The following CDH4 variants were observed in gnomAD, a reference collection of about 807,000 sequenced individuals.
The protein encoded by CDH4 is cadherin-4.
In CDH4, 33 loss-of-function variants were observed where a neutral mutation model predicts 86.0. That is an observed-to-expected ratio of 0.38 (90% confidence interval 0.29 to 0.51). The LOEUF (loss-of-function observed/expected upper bound fraction) is 0.51, where lower values mean the gene tolerates loss of function less well. Ranked by LOEUF, CDH4 falls within the 20% of genes least tolerant of loss-of-function variation. CDH4 has a pLI of 0.86. For synonymous variants in CDH4, 555 were observed against 549.4 expected, an observed-to-expected ratio of 1.01 and a Z score of -0.14; for missense variants, 1,114 against 1,307.4, an observed-to-expected ratio of 0.85 and a Z score of 2.28.
chr20:61,803,678 G>C (rs775317369), intron 4 of CDH4, among the ~76,000 whole-genome samples: 14 of 152,252 alleles, frequency 9.2e-5, no homozygotes, highest in Non-Finnish European at 1.9e-4. Flanking sequence ...GGCGCCCAGA[G>C]CTCTGCGTTC....
intron 11 of CDH4, 87 bp from the exon 12 acceptor site, chr20:61,928,103 T>G (rs1293639473): frequency 2.4e-5 from 24 of 1,012,378 alleles, no homozygotes; most frequent in Non-Finnish European, 3.1e-5. Context: ...TGCACGTGGT[T>G]GTTTGTGTGC....
chr20:61,591,415 C>A (rs895095204), intron 2 of CDH4, among the ~76,000 whole-genome samples: 1 of 151,994 alleles, frequency 6.6e-6, no homozygotes, highest in Admixed American at 6.5e-5. Context: ...AAATCTCTTC[C>A]GTGTCTGGTG....
At chr20:61,446,125 G>A (rs993351828) in intron 2 of CDH4, among the ~76,000 whole-genome samples, 1 of 152,190 alleles carries the variant, frequency 6.6e-6, no homozygotes, top group African/African-American at 2.4e-5. Flanking sequence ...GTCATACTTG[G>A]GAAGGGTGTG....
At position 61,902,496 on chromosome 20, in the gene CDH4, G is replaced by A. The variant is rs961764239; in HGVS notation, c.1188+7449G>A. Among the ~76,000 whole-genome samples, 1 of 152,240 alleles carries A rather than the reference G, an allele frequency of 6.6e-6. No homozygotes were observed. The highest frequency in any genetic ancestry group is 1.5e-5 in the Non-Finnish European group (1 of 68,050). ...GCCCCACCTTCCCAGGGATTTGCAGGCAAATGAGCGGCCGTTGACACAGGG... is the reference window on the plus strand; with the variant it reads ...GCCCCACCTTCCCAGGGATTTGCAGACAAATGAGCGGCCGTTGACACAGGG... On this transcript the variant is annotated intron_variant, in intron 8 of 15. Transcript: ENST00000614565. The surrounding 1 kb of genome is among the most constrained non-coding windows in gnomAD (Gnocchi z 4.6).
intron 2 of CDH4, among the ~76,000 whole-genome samples, chr20:61,335,203 A>G (rs528996086): frequency 9.2e-5 from 14 of 152,354 alleles, no homozygotes; most frequent in Non-Finnish European, 1.3e-4. Flanking sequence ...TCTGGGATGA[A>G]TGTGCAGGGG....
At chr20:61,656,420 G>A (rs981671306) in intron 2 of CDH4, among the ~76,000 whole-genome samples, 22 of 151,926 alleles carry the variant, frequency 1.4e-4, no homozygotes, top group African/African-American at 5.3e-4. Context: ...ATGCTGAGGT[G>A]GGCAGGTGCA....
intron 2 of CDH4, among the ~76,000 whole-genome samples, chr20:61,591,912 C>T (rs1165228049): frequency 6.6e-6 from 1 of 150,980 alleles, no homozygotes; most frequent in Non-Finnish European, 1.5e-5. Flanking sequence ...CAGACACAAA[C>T]TTTCCAAAAT....
chr20:61,401,550 G>A (rs1019422097), intron 2 of CDH4, among the ~76,000 whole-genome samples: 10 of 152,164 alleles, frequency 6.6e-5, no homozygotes, highest in Non-Finnish European at 1.2e-4. Flanking sequence ...AACCTGAAGC[G>A]CAAGGACAGC....
intron 9 of CDH4, among the ~76,000 whole-genome samples, chr20:61,915,568 A>G (rs1439933541): frequency 9.9e-5 from 15 of 152,234 alleles, no homozygotes; most frequent in Admixed American, 9.8e-4. Flanking sequence ...TCAGCCGTCA[A>G]AAGGAACAAA....
chr20:61,507,950 G>T lies in CDH4; in HGVS notation c.170-235613G>T, dbSNP rs555917862. 3.3e-5 allele frequency among the ~76,000 whole-genome samples: 5 copies of T among 152,344 alleles called. No individual in the cohort carries two copies. In the South Asian group the frequency reaches 1.0e-3, roughly 32 times the overall value. On this transcript the variant is annotated intron_variant, in intron 2 of 15. Transcript: ENST00000614565. ...GGCTCGCTTTAAAATGTATAAACAAGATAATTTAAAACGCCCATGACCCCA... is the reference window on the plus strand; with the variant it reads ...GGCTCGCTTTAAAATGTATAAACAATATAATTTAAAACGCCCATGACCCCA...
chr20:61,296,164 T>G (rs1328481636), intron 2 of CDH4, among the ~76,000 whole-genome samples: 1 of 151,576 alleles, frequency 6.6e-6, no homozygotes, highest in East Asian at 1.9e-4. Flanking sequence ...AACTTTAGAG[T>G]TGTCGAAATA....
At chr20:61,395,227 T>C (rs2145471466) in intron 2 of CDH4, among the ~76,000 whole-genome samples, 1 of 152,158 alleles carries the variant, frequency 6.6e-6, no homozygotes, top group South Asian at 2.1e-4. Context: ...ATTTTAGTCT[T>C]GTAACTCCAA....
At chr20:61,624,306 C>A (rs1041309016) in intron 2 of CDH4, among the ~76,000 whole-genome samples, 3 of 152,232 alleles carry the variant, frequency 2.0e-5, no homozygotes, top group Admixed American at 1.3e-4. Flanking sequence ...TTCTTTCCCA[C>A]AAGTCATCCT....
chr20:61,335,909 G>A (rs1157781575), intron 2 of CDH4, among the ~76,000 whole-genome samples: 2 of 152,172 alleles, frequency 1.3e-5, no homozygotes, highest in African/African-American at 2.4e-5. Context: ...CCAGGTTGAC[G>A]CAAGGATCTT....
intron 2 of CDH4, among the ~76,000 whole-genome samples, chr20:61,265,506 A>G (rs2084153693): frequency 6.6e-6 from 1 of 151,734 alleles, no homozygotes. Context: ...TCAGTCCTAC[A>G]CATATCTCAG....
chr20:61,670,387 A>C (rs1045346686), intron 2 of CDH4, among the ~76,000 whole-genome samples: 1 of 152,172 alleles, frequency 6.6e-6, no homozygotes, highest in Non-Finnish European at 1.5e-5. Context: ...TCCCAGCCTC[A>C]GTCATATATC....
intron 8 of CDH4, among the ~76,000 whole-genome samples, chr20:61,905,459 C>A (rs535426266): frequency 6.6e-6 from 1 of 152,290 alleles, no homozygotes; most frequent in Non-Finnish European, 1.5e-5. Context: ...CAGGACCCAC[C>A]TGGCCATGTA....
At chr20:61,686,629 A>C (rs2087580428) in intron 2 of CDH4, among the ~76,000 whole-genome samples, 1 of 142,048 alleles carries the variant, frequency 7.0e-6, no homozygotes, top group Non-Finnish European at 1.5e-5. Context: ...ATCTGAGTGC[A>C]CATTCTCGTG....
intron 2 of CDH4, among the ~76,000 whole-genome samples, chr20:61,419,209 G>T (rs1018482984): frequency 6.6e-6 from 1 of 152,106 alleles, no homozygotes; most frequent in Admixed American, 6.5e-5. Context: ...GAGATCACTC[G>T]TTCCCCGCAG....
Sources: gnomAD v4.1 joint callset for allele counts (sites outside exome capture counted in the v4.1 genomes callset) on GRCh38, gnomAD v4.1.1 for gene constraint, Gnocchi (gnomAD v3.1) non-coding constraint, MANE v1.5 for transcripts, NCBI Gene and HGNC (gene_info 2026-07-23, HGNC 2026-07-21) for gene names.